Variants in TTC7B observed in about 807,000 individuals in gnomAD.
TTC7B encodes the protein tetratricopeptide repeat domain 7B, also known as tetratricopeptide repeat protein 7B.
Under a neutral mutation model 106.8 loss-of-function variants are expected in TTC7B, and 28 were observed. The ratio of observed to expected loss-of-function variants is 0.26; its 90% CI spans 0.19 to 0.36. The LOEUF (loss-of-function observed/expected upper bound fraction) is 0.36, where lower values mean the gene tolerates loss of function less well. Ranked by LOEUF, TTC7B falls within the 10% of genes least tolerant of loss-of-function variation. TTC7B has a pLI of 1.00. For missense variants in TTC7B, 862 were observed against 1,076.4 expected (o/e 0.80, Z 2.79); for synonymous variants, 405 against 430.6 (o/e 0.94, Z 0.74).
chr14:90,812,534 G>A (rs1041039129), intron 1 of TTC7B, among the ~76,000 whole-genome samples: 50 of 152,124 alleles, frequency 3.3e-4, no homozygotes, highest in Admixed American at 2.4e-3. Flanking sequence ...CCAAGAATCC[G>A]CATTTCTCAC....
intron 5 of TTC7B, among the ~76,000 whole-genome samples, chr14:90,708,847 C>T (rs564736365): frequency 6.0e-4 from 91 of 151,714 alleles, no homozygotes; most frequent in Non-Finnish European, 9.1e-4. Context: ...AAGAAAAAAA[C>T]AAACAACCCC....
intron 15 of TTC7B, among the ~76,000 whole-genome samples, chr14:90,627,841 G>A (rs145647878): frequency 9.9e-4 from 150 of 152,192 alleles, no homozygotes; most frequent in African/African-American, 3.4e-3. Context: ...TTGCTCCCAC[G>A]TCAGCTATTA....
At chr14:90,636,176 G>A (rs1393325000) in intron 15 of TTC7B, among the ~76,000 whole-genome samples, 1 of 151,558 alleles carries the variant, frequency 6.6e-6, no homozygotes, top group Non-Finnish European at 1.5e-5. Context: ...GTCTATATAT[G>A]TGTATATGTA....
intron 19 of TTC7B, among the ~76,000 whole-genome samples, chr14:90,542,918 C>A (rs879770177): frequency 6.6e-6 from 1 of 152,188 alleles, no homozygotes; most frequent in Non-Finnish European, 1.5e-5. Flanking sequence ...AAACATTTTG[C>A]AAATTTTATC....
chr14:90,580,133 C>A (rs952651845), intron 18 of TTC7B, among the ~76,000 whole-genome samples: 1 of 152,230 alleles, frequency 6.6e-6, no homozygotes, highest in Non-Finnish European at 1.5e-5. Flanking sequence ...GGGCTGTAAG[C>A]GACATGAGGG....
intron 1 of TTC7B, among the ~76,000 whole-genome samples, chr14:90,786,900 C>T (rs142509889): frequency 2.2e-3 from 339 of 152,008 alleles, no homozygotes; most frequent in African/African-American, 8.1e-3. Context: ...TACACATTAA[C>T]GTGGAGAGAG....
chr14:90,744,757 A>G (rs919969215), intron 4 of TTC7B, 35 bp downstream of exon 4: 5 of 1,600,912 alleles, frequency 3.1e-6, no homozygotes, highest in Non-Finnish European at 4.3e-6. Flanking sequence ...TTGAGGGAAA[A>G]AGTTATCAGG....
Position 90,532,344 on chromosome 14 carries a change from C to T in TTC7B, c.*9024G>A, listed in dbSNP as rs531820812. 2 of 152,310 alleles carry T rather than the reference C, an allele frequency of 1.3e-5. No homozygotes were observed. The highest frequency in any genetic ancestry group is 4.8e-5 in the African/African-American group (2 of 41,570). The allele number at this position is 152,310 out of a possible 1,614,324, so 9.4% of individuals were successfully genotyped here. On this transcript the variant is annotated 3_prime_UTR_variant, in exon 20 of 20. Coordinates refer to ENST00000328459, the MANE Select transcript of TTC7B (RefSeq NM_001010854.2). ...TCCCCTATTTGTACATTACAGGATG[C>T]TCTTCCCTCTTCACATGGTCTGGTC...
At chr14:90,637,326 A>AT (rs2139872308) in intron 15 of TTC7B, among the ~76,000 whole-genome samples, 1 of 152,258 alleles carries the variant, frequency 6.6e-6, no homozygotes, top group South Asian at 2.1e-4. Flanking sequence ...ACATAGCTTA[A>AT]TAAAAAAAAA....
chr14:90,748,546 C>T (rs981529128), intron 3 of TTC7B, among the ~76,000 whole-genome samples: 4 of 151,954 alleles, frequency 2.6e-5, no homozygotes, highest in Middle Eastern at 3.2e-3. Context: ...AGTCTGGTCT[C>T]GAACTCCTGA....
chr14:90,547,543 C>T lies in TTC7B; in HGVS notation c.2311-5954G>A, dbSNP rs578115533. ...GGACACTGTGGCTCACGCCTGTAATCCCAGCAGTTTTGGAGGCTGAGGCAG... is the reference window on the plus strand; with the variant it reads ...GGACACTGTGGCTCACGCCTGTAATTCCAGCAGTTTTGGAGGCTGAGGCAG... On this transcript the variant is annotated intron_variant, in intron 19 of 19. Coordinates refer to ENST00000328459, the MANE Select transcript of TTC7B (RefSeq NM_001010854.2). Among the ~76,000 whole-genome samples the T allele has an allele frequency of 3.9e-5, 6 of 152,352 alleles. No homozygotes were observed. The East Asian group carries it at 9.6e-4, about 24-fold the overall frequency.
At chr14:90,599,455 C>T (rs180865248) in intron 17 of TTC7B, among the ~76,000 whole-genome samples, 13 of 152,312 alleles carry the variant, frequency 8.5e-5, no homozygotes, top group East Asian at 7.7e-4. Flanking sequence ...CATTACATGA[C>T]GTGTGAAAAA....
Position 90,610,872 on chromosome 14 carries a change from G to A in TTC7B, c.1869-33C>T, listed in dbSNP as rs763806523. ...ACACAGCTACAAATGTCAGTCACCT[G>A]CAAGGTGGGAGGAGGGAAGGAAAGA... On this transcript the variant is annotated intron_variant, in intron 16 of 19. Coordinates refer to ENST00000328459, the MANE Select transcript of TTC7B (RefSeq NM_001010854.2). The A allele has an allele frequency of 2.7e-6, 4 of 1,502,364 alleles. No individual in the cohort carries two copies. In the South Asian group the frequency reaches 3.4e-5, roughly 13 times the overall value. The allele number at this position is 1,502,364 out of a possible 1,614,324, so 93.1% of individuals were successfully genotyped here.
intron 15 of TTC7B, among the ~76,000 whole-genome samples, chr14:90,619,861 C>T (rs760251546): frequency 3.9e-5 from 6 of 152,240 alleles, no homozygotes; most frequent in Non-Finnish European, 8.8e-5. Flanking sequence ...TCAGCATTTA[C>T]TCACTGACTA....
At chr14:90,752,888 A>G (rs866306836) in intron 3 of TTC7B, among the ~76,000 whole-genome samples, 11 of 152,230 alleles carry the variant, frequency 7.2e-5, no homozygotes, top group African/African-American at 2.2e-4. Flanking sequence ...TGAATTTCAA[A>G]TTGAAAAGGC....
At position 90,608,166 on chromosome 14, in the gene TTC7B, A is replaced by G. The variant is rs562693652; in HGVS notation, c.1966+2576T>C. Among the ~76,000 whole-genome samples the G allele has an allele frequency of 6.6e-6, 1 of 152,346 alleles. No homozygotes were observed. Among genetic ancestry groups the G allele is most frequent in the East Asian group, 1.9e-4 (1 of 5,182 alleles). On this transcript the variant is annotated intron_variant, in intron 17 of 19. Transcript: ENST00000328459. The surrounding 1 kb of genome is among the most constrained non-coding windows in gnomAD (Gnocchi z 5.1). ...TGCACCATGAGCTGAACCATATGCA[A>G]CTGGGCTTTATTAATCAAGATGGAG... is the stretch of plus-strand genomic sequence containing the variant.
chr14:90,722,055 A>G (rs1221785565), intron 5 of TTC7B, among the ~76,000 whole-genome samples: 1 of 152,250 alleles, frequency 6.6e-6, no homozygotes, highest in Admixed American at 6.5e-5. Context: ...AATGACTCAT[A>G]TGAAGAGCGT....
Position 90,667,338 on chromosome 14 carries a change from C to T in TTC7B, c.1153-8951G>A, listed in dbSNP as rs75271496. The stretch of plus-strand genomic sequence containing the variant: ...CTGGAGTTGCCAAGACTGGAGACAA[C>T]GACATAGCAGAAAGGACAGAAGCAG... On this transcript the variant is annotated intron_variant, in intron 9 of 19. Transcript: ENST00000328459. 4.6e-3 allele frequency among the ~76,000 whole-genome samples: 704 copies of T among 152,250 alleles called. 4 individuals are homozygous for T. Among genetic ancestry groups the T allele is most frequent in the Non-Finnish European group, 8.2e-3 (555 of 68,024 alleles).
chr14:90,750,189 G>A (rs976931005), intron 3 of TTC7B, among the ~76,000 whole-genome samples: 13 of 152,112 alleles, frequency 8.5e-5, no homozygotes, highest in South Asian at 6.2e-4. Flanking sequence ...GCTCACTTGC[G>A]CAAAATTAAA....
Sources: gnomAD v4.1 joint callset for allele counts (sites outside exome capture counted in the v4.1 genomes callset) on GRCh38, gnomAD v4.1.1 for gene constraint, Gnocchi (gnomAD v3.1) non-coding constraint, MANE v1.5 for transcripts, NCBI Gene and HGNC (gene_info 2026-07-23, HGNC 2026-07-21) for gene names.